Variants in DMRT3 observed in about 807,000 individuals in gnomAD.
The protein encoded by DMRT3 is doublesex and mab-3 related transcription factor 3.
A neutral mutation model predicts 34.9 loss-of-function variants in DMRT3; 29 were observed. The ratio of observed to expected loss-of-function variants is 0.83; its 90% CI spans 0.62 to 1.13. DMRT3 has a LOEUF of 1.13. Among genes scored for constraint, DMRT3 ranks in the 50% most tolerant of loss-of-function variants. The pLI is 0.00. For synonymous variants in DMRT3, 350 were observed against 286.0 expected (o/e 1.22, Z -2.26); for missense variants, 772 against 629.1 (o/e 1.23, Z -2.43).
intron 1 of DMRT3, among the ~76,000 whole-genome samples, chr9:981,435 G>C (rs1310614276): frequency 6.6e-6 from 1 of 152,154 alleles, no homozygotes; most frequent in African/African-American, 2.4e-5. Context: ...TTGAAAAACA[G>C]GGTCTCATTT....
chr9:983,037 G>A lies in DMRT3; in HGVS notation c.454+5582G>A, dbSNP rs1820241092. 4.6e-5 allele frequency among the ~76,000 whole-genome samples: 7 copies of A among 152,250 alleles called. No individual in the cohort carries two copies. The South Asian group carries it at 1.0e-3, about 23-fold the overall frequency. ...ACCGCCTTGTGATTGTGTCAGTTACGTCCCACATCGCCTTAGTGAGTCATC... is the reference window on the plus strand; with the variant it reads ...ACCGCCTTGTGATTGTGTCAGTTACATCCCACATCGCCTTAGTGAGTCATC... On this transcript the variant is annotated intron_variant, in intron 1 of 1. Coordinates refer to ENST00000190165, the MANE Select transcript of DMRT3 (RefSeq NM_021240.4).
chr9:980,419 T>A (rs1407265683), intron 1 of DMRT3, among the ~76,000 whole-genome samples: 1 of 152,142 alleles, frequency 6.6e-6, no homozygotes, highest in Non-Finnish European at 1.5e-5. Context: ...TTTTTCTTTT[T>A]GAATGTAGAT....
At chr9:985,236 T>C (rs1194960756) in intron 1 of DMRT3, among the ~76,000 whole-genome samples, 1 of 152,222 alleles carries the variant, frequency 6.6e-6, no homozygotes, top group Non-Finnish European at 1.5e-5. Context: ...GTAATATTTG[T>C]CATATTCGAT....
At chr9:989,561 G>A (rs965159431) in intron 1 of DMRT3, among the ~76,000 whole-genome samples, 6 of 152,188 alleles carry the variant, frequency 3.9e-5, no homozygotes, top group Non-Finnish European at 1.5e-5. Flanking sequence ...TGGGAAAATA[G>A]ATTTCAGATA....
intron 1 of DMRT3, among the ~76,000 whole-genome samples, chr9:988,337 G>A (rs1339664001): frequency 1.3e-5 from 2 of 152,174 alleles, no homozygotes; most frequent in African/African-American, 4.8e-5. Context: ...CTTGCACTGA[G>A]GTAATTGAAG....
chr9:990,466 G>A lies in DMRT3; in HGVS notation c.880G>A (p.Gly294Arg). 1 of 1,614,166 alleles carries A rather than the reference G, an allele frequency of 6.2e-7. No homozygotes were observed. The highest frequency in any genetic ancestry group is 8.5e-7 in the Non-Finnish European group (1 of 1,180,034). ...VLLSSRSSVT[G>R]AERTSAEPES... ...TCTGTCCAGCCGATCCTCAGTCACGGGAGCAGAGCGAACTTCCGCAGAACC... is the reference window on the plus strand; with the variant it reads ...TCTGTCCAGCCGATCCTCAGTCACGAGAGCAGAGCGAACTTCCGCAGAACC... The change falls in exon 2 of 2, where the codon GGA (glycine) becomes AGA (arginine). Residue 294 changes from glycine to arginine, a missense_variant. Physicochemically the swap from Gly to Arg is moderately radical, Grantham distance 125. Transcript: ENST00000190165.
At chr9:984,547 C>T (rs528388648) in intron 1 of DMRT3, among the ~76,000 whole-genome samples, 12 of 151,968 alleles carry the variant, frequency 7.9e-5, no homozygotes, top group African/African-American at 2.4e-4. Flanking sequence ...AGCTCTGCCT[C>T]CCGGGTTCAC....
chr9:981,215 C>G (rs750987677), intron 1 of DMRT3, among the ~76,000 whole-genome samples: 1 of 151,914 alleles, frequency 6.6e-6, no homozygotes, highest in African/African-American at 2.4e-5. Context: ...ATGCTTGCCT[C>G]TGGGCTTTTC....
chr9:989,971 C>T (rs780040401), intron 1 of DMRT3, 70 bp from the exon 2 acceptor site: 1 of 1,566,186 alleles, frequency 6.4e-7, no homozygotes, highest in South Asian at 1.2e-5. Flanking sequence ...GTGTACAGGT[C>T]TCTTCTGAGC....
At position 990,106 on chromosome 9, in the gene DMRT3, G is replaced by C. The variant is rs1395001714; in HGVS notation, c.520G>C (p.Asp174His). 2 of 1,614,098 alleles carry C rather than the reference G, an allele frequency of 1.2e-6. No individual in the cohort carries two copies. Among genetic ancestry groups the C allele is most frequent in the Admixed American group, 3.3e-5 (2 of 60,032 alleles). ...CAATACAGAGGTCTTCAGTGACAAAGACACTGACCAGAGGAGTTCCCCAGA... is the reference window on the plus strand; with the variant it reads ...CAATACAGAGGTCTTCAGTGACAAACACACTGACCAGAGGAGTTCCCCAGA... ...ADNTEVFSDKDTDQRSSPDVA... is the reference protein window; with the variant it reads ...ADNTEVFSDKHTDQRSSPDVA... The change falls in exon 2 of 2, where the codon GAC (aspartate) becomes CAC (histidine). Residue 174 changes from aspartate (D) to histidine (H), a missense_variant. Coordinates refer to ENST00000190165, the MANE Select transcript of DMRT3 (RefSeq NM_021240.4).
intron 1 of DMRT3, among the ~76,000 whole-genome samples, chr9:986,392 TCCCTAATTC>T (rs1201026732): frequency 6.6e-6 from 1 of 152,116 alleles, no homozygotes; most frequent in Non-Finnish European, 1.5e-5. Context: ...AGAACCTCAT[TCCCTAATTC>T]CCCTTTCAGT....
At chr9:981,433 C>T (rs2202844) in intron 1 of DMRT3, among the ~76,000 whole-genome samples, 41,885 of 152,066 alleles carry the variant, frequency 0.28, 6,445 homozygotes, top group African/African-American at 0.39. Context: ...AATTGAAAAA[C>T]AGGGTCTCAT....
intron 1 of DMRT3, among the ~76,000 whole-genome samples, chr9:979,691 T>C (rs1469445546): frequency 6.6e-6 from 1 of 152,184 alleles, no homozygotes; most frequent in African/African-American, 2.4e-5. Flanking sequence ...AAGACAGGCA[T>C]ACAAGTGGAT....
At chr9:980,285 C>A (rs915450326) in intron 1 of DMRT3, among the ~76,000 whole-genome samples, 2 of 152,118 alleles carry the variant, frequency 1.3e-5, no homozygotes, top group Non-Finnish European at 2.9e-5. Context: ...GCTTTAGATT[C>A]TTTAAAGGAA....
In DMRT3 at chr9:991,238, A is replaced by C. The variant is rs1820360694; in HGVS notation, c.*233A>C. The C allele has an allele frequency of 2.1e-6, 1 of 480,180 alleles. No homozygotes were observed. The highest frequency in any genetic ancestry group is 3.8e-5 in the Admixed American group (1 of 26,008). 29.7% of individuals were successfully genotyped at this position (480,180 alleles called of 1,614,324 possible). On this transcript the variant is annotated 3_prime_UTR_variant, in exon 2 of 2. Coordinates refer to ENST00000190165, the MANE Select transcript of DMRT3 (RefSeq NM_021240.4). ...TAGTGCTGAATGTTTATTGTAAAAG[A>C]GAGTCTAATGTTAAGAATAGTCTTG...
chr9:986,850 C>T (rs1820290685), intron 1 of DMRT3, among the ~76,000 whole-genome samples: 1 of 147,902 alleles, frequency 6.8e-6, no homozygotes, highest in Admixed American at 6.7e-5. Context: ...GAGACCATGC[C>T]ACTGCACTCC....
chr9:982,364 A>G (rs1255734241), intron 1 of DMRT3, among the ~76,000 whole-genome samples: 2 of 152,240 alleles, frequency 1.3e-5, no homozygotes, highest in African/African-American at 4.8e-5. Context: ...CATCTGGGAA[A>G]GAACCTCTCT....
At chr9:989,606 C>G (rs1056869128) in intron 1 of DMRT3, among the ~76,000 whole-genome samples, 1 of 152,170 alleles carries the variant, frequency 6.6e-6, no homozygotes, top group Non-Finnish European at 1.5e-5. Flanking sequence ...ATGGTACTAT[C>G]CCTAGATAAC....
At chr9:983,943 C>G (rs997455543) in intron 1 of DMRT3, among the ~76,000 whole-genome samples, 1 of 151,596 alleles carries the variant, frequency 6.6e-6, no homozygotes, top group Non-Finnish European at 1.5e-5. Flanking sequence ...ACAACCCTCC[C>G]CAACCCGGCA....
Sources: allele counts gnomAD v4.1 joint callset (sites outside exome capture counted in the v4.1 genomes callset), GRCh38; gene constraint gnomAD v4.1.1; transcripts MANE v1.5; gene names NCBI Gene and HGNC (gene_info 2026-07-23, HGNC 2026-07-21).